Variants in ABCC6 observed in about 807,000 individuals in gnomAD.
The protein encoded by ABCC6 is ATP-binding cassette sub-family C member 6.
A neutral mutation model predicts 169.5 loss-of-function variants in ABCC6; 126 were observed. The observed-to-expected ratio is 0.74, with a 90% CI of 0.64 to 0.86. ABCC6 has a LOEUF of 0.86. ABCC6 is among the 40% of genes least tolerant of loss of function. ABCC6 has a pLI of 0.00. For missense variants in ABCC6, 1,733 were observed against 1,927.2 expected (o/e 0.90, Z 1.89); for synonymous variants, 752 against 814.7 (o/e 0.92, Z 1.31).
intron 23 of ABCC6, 92 bp downstream of exon 23, chr16:16,165,531 G>A: frequency 7.0e-7 from 1 of 1,436,368 alleles, no homozygotes; most frequent in South Asian, 1.2e-5. Flanking sequence ...GTCCAGCTGG[G>A]TGAAACCTCA....
chr16:16,219,311 G>A (rs535800695), intron 4 of ABCC6, among the ~76,000 whole-genome samples: 2 of 152,164 alleles, frequency 1.3e-5, no homozygotes, highest in South Asian at 2.1e-4. Flanking sequence ...TGTGTGCATC[G>A]TGTGCAAGTG....
intron 14 of ABCC6, among the ~76,000 whole-genome samples, chr16:16,185,465 C>A (rs1051665354): frequency 1.3e-4 from 20 of 152,166 alleles, no homozygotes; most frequent in African/African-American, 4.8e-4. Context: ...CAAATCCCAG[C>A]CTTCCCAGAG....
At chr16:16,196,033 A>C (rs573740537) in intron 10 of ABCC6, among the ~76,000 whole-genome samples, 1 of 152,152 alleles carries the variant, frequency 6.6e-6, no homozygotes, top group South Asian at 2.1e-4. Context: ...AACATGGTGA[A>C]ACCCAGTTTC....
chr16:16,221,890 T>A, intron 1 of ABCC6, 59 bp from the exon 2 acceptor site: 1 of 1,612,084 alleles, frequency 6.2e-7, no homozygotes, highest in Non-Finnish European at 8.5e-7. Flanking sequence ...CCAGCTCACC[T>A]GCCCAGGGGG....
intron 15 of ABCC6, 80 bp downstream of exon 15, chr16:16,184,879 C>T: frequency 1.4e-6 from 2 of 1,465,642 alleles, no homozygotes; most frequent in Admixed American, 1.7e-5. Context: ...TACACCACCT[C>T]TCAGGTGGGA....
intron 24 of ABCC6, 25 bp from the exon 25 acceptor site, chr16:16,161,589 T>A (rs773776176): frequency 1.9e-6 from 3 of 1,613,698 alleles, no homozygotes; most frequent in Non-Finnish European, 1.7e-6. Context: ...GACAGCAGGG[T>A]GAGTGGTTAC....
At chr16:16,196,803 G>A (rs1307685530) in intron 10 of ABCC6, among the ~76,000 whole-genome samples, 2 of 152,202 alleles carry the variant, frequency 1.3e-5, no homozygotes, top group African/African-American at 4.8e-5. Context: ...CAAGGCTCAA[G>A]CGATTCTCCT....
chr16:16,151,153 C>T (rs941124115), intron 29 of ABCC6, among the ~76,000 whole-genome samples: 7 of 152,078 alleles, frequency 4.6e-5, no homozygotes, highest in Admixed American at 6.5e-5. Flanking sequence ...CAACTTCTGC[C>T]TCCCGGTTCA....
chr16:16,180,670 T>G (rs2047437927), intron 17 of ABCC6, among the ~76,000 whole-genome samples: 1 of 152,088 alleles, frequency 6.6e-6, no homozygotes, highest in African/African-American at 2.4e-5. Context: ...TTTGTATTTT[T>G]AGTAGAGATG....
In ABCC6 at chr16:16,188,935, C is replaced by A. The variant is rs114149656; in HGVS notation, c.1675G>T (p.Glu559Ter). ...GCTTTCTCTGCATTCATAGCATTCT[C>A]GGCCACCAGAGTGTGGACAGCAAAC... ...VVFAVHTLVA[E>*]NAMNAEKAFV... Residue 559 changes from glutamate to a stop codon, truncating the protein, a stop_gained, in exon 13 of 31, where the codon GAG becomes TAG. Coordinates refer to ENST00000205557, the MANE Select transcript of ABCC6 (RefSeq NM_001171.6). LOFTEE classifies it high-confidence loss of function. 4 of 1,614,070 alleles carry A rather than the reference C, an allele frequency of 2.5e-6. No individual in the cohort carries two copies. The highest frequency in any genetic ancestry group is 3.4e-6 in the Non-Finnish European group (4 of 1,180,018).
intron 8 of ABCC6, 137 bp downstream of exon 8, chr16:16,203,273 G>C (rs575043030): frequency 1.4e-6 from 2 of 1,473,018 alleles, no homozygotes; most frequent in Non-Finnish European, 1.9e-6. Context: ...CTTCCTCAGT[G>C]TCCTTCTCAC....
Position 16,150,124 on chromosome 16 carries a change from G to A in ABCC6, c.*9C>T, listed in dbSNP as rs865962652. 6.2e-7 allele frequency: 1 copy of A among 1,612,068 alleles called. No individual in the cohort carries two copies. ...CTGGTCCAACTGGGGTACGGTTGAG[G>A]GTCCTGGCTCAGACCAGGCCTGACT... is the stretch of plus-strand genomic sequence containing the variant. On this transcript the variant is annotated 3_prime_UTR_variant, in exon 31 of 31. Transcript: ENST00000205557.
intron 10 of ABCC6, among the ~76,000 whole-genome samples, chr16:16,193,915 G>T (rs181653432): frequency 4.4e-4 from 67 of 152,334 alleles, no homozygotes; most frequent in Admixed American, 3.7e-3. Flanking sequence ...CAGGTCCCAG[G>T]GATCTGTGCT....
At chr16:16,155,098 T>G (rs2046505831) in intron 27 of ABCC6, 67 bp from the exon 28 acceptor site, 1 of 1,513,902 alleles carries the variant, frequency 6.6e-7, no homozygotes, top group African/African-American at 1.4e-5. Flanking sequence ...TGGGGAGATC[T>G]TTCTGCTGTA....
Position 16,178,818 on chromosome 16 carries a change from C to G in ABCC6, c.2395G>C (p.Gly799Arg), listed in dbSNP as rs747017064. The G allele has an allele frequency of 3.1e-6, 5 of 1,613,872 alleles. No homozygotes were observed. The Admixed American group carries it at 8.3e-5, about 27-fold the overall frequency. ...QHVFNQVIGP[G>R]GLLQGTTRIL... ...CTTACTGTTCCCTGGAGTAGTCCACCAGGCCCAATGACCTGGTTGAAGACA... is the reference window on the plus strand; with the variant it reads ...CTTACTGTTCCCTGGAGTAGTCCACGAGGCCCAATGACCTGGTTGAAGACA... The change falls in exon 18 of 31, where the codon GGT becomes CGT. Residue 799 changes from glycine to arginine, a missense_variant. This residue lies in a region of ABCC6 where 1,601 missense variants were observed against 1,635.5 expected (regional missense o/e 0.98). Transcript: ENST00000205557.
At chr16:16,201,781 T>C (rs1027380486) in intron 9 of ABCC6, among the ~76,000 whole-genome samples, 1 of 152,042 alleles carries the variant, frequency 6.6e-6, no homozygotes, top group African/African-American at 2.4e-5. Context: ...TGAGCCGAGA[T>C]TGCACCACTG....
chr16:16,171,511 T>C (rs907264344), intron 21 of ABCC6, among the ~76,000 whole-genome samples: 4 of 152,200 alleles, frequency 2.6e-5, no homozygotes, highest in Admixed American at 6.5e-5. Context: ...ATAGTGGGTA[T>C]TGTGTACATG....
In ABCC6 at chr16:16,190,072, T is replaced by TAGG. The variant is rs1248711157; in HGVS notation, c.1635+89_1635+91dup. 8 of 1,377,294 alleles carry TAGG rather than the reference T, an allele frequency of 5.8e-6. No individual in the cohort carries two copies. The East Asian group carries it at 6.9e-5, about 12-fold the overall frequency. 85.3% of individuals were successfully genotyped at this position (1,377,294 alleles called of 1,614,324 possible). A position where few individuals can be genotyped will look rare whatever the true frequency, so the allele number is the denominator to read the frequency against. On this transcript the variant is annotated intron_variant, in intron 12 of 30. Transcript: ENST00000205557. ...GAGTGGGTTTTGATGGACGGGGTGG[T>TAGG]AGGATCTGGGGGGCTCCACCTACCT... is the stretch of plus-strand genomic sequence containing the variant.
chr16:16,157,791 T>G lies in ABCC6; in HGVS notation c.3754A>C (p.Thr1252Pro), dbSNP rs1344983862. ...TPKEAPWRLP[T>P]CAAQPPWPQG... ...GGCCAGGGGGGCTGAGCTGCACATG[T>G]GGGCAGCCTCCAGGGAGCCTGGAGC... The change falls in exon 27 of 31, where the codon ACA (threonine) becomes CCA (proline). Residue 1252 changes from threonine to proline, a missense_variant. This residue lies in a region of ABCC6 where 1,601 missense variants were observed against 1,635.5 expected (regional missense o/e 0.98). Transcript: ENST00000205557. 1.2e-6 allele frequency: 2 copies of G among 1,612,500 alleles called. No homozygotes were observed. Among genetic ancestry groups the G allele is most frequent in the East Asian group, 4.5e-5 (2 of 44,856 alleles).
Sources: allele counts gnomAD v4.1 joint callset (sites outside exome capture counted in the v4.1 genomes callset), GRCh38; gene constraint gnomAD v4.1.1; regional missense constraint gnomAD v4.1.1; transcripts MANE v1.5; gene names NCBI Gene and HGNC (gene_info 2026-07-23, HGNC 2026-07-21).